The following SLC8A1 variants were observed in gnomAD, a reference collection of about 807,000 sequenced individuals.
SLC8A1 encodes the protein solute carrier family 8 member A1.
Under a neutral mutation model 68.3 loss-of-function variants are expected in SLC8A1, and 18 were observed. The ratio of observed to expected loss-of-function variants is 0.26; its 90% confidence interval spans 0.18 to 0.39. SLC8A1 has a LOEUF of 0.39. Among genes scored for constraint, SLC8A1 ranks in the 10% least tolerant of loss-of-function variants. The pLI, the probability that SLC8A1 is intolerant of heterozygous loss-of-function variation, is 1.00. For synonymous variants in SLC8A1, 475 were observed against 415.5 expected, an observed-to-expected ratio of 1.14 and a Z score of -1.74; for missense variants, 985 against 1,156.7, an observed-to-expected ratio of 0.85 and a Z score of 2.15.
intron 7 of SLC8A1, among the ~76,000 whole-genome samples, chr2:40,117,430 T>C (rs1310282706): frequency 7.5e-6 from 1 of 133,704 alleles, no homozygotes; most frequent in East Asian, 2.1e-4. Flanking sequence ...CCAGGCGTGG[T>C]GGTACACACC....
At chr2:40,178,108 T>A (rs571248512) in intron 2 of SLC8A1, among the ~76,000 whole-genome samples, 29 of 152,344 alleles carry the variant, frequency 1.9e-4, no homozygotes, top group Middle Eastern at 3.4e-3. Context: ...TTGGGGTATT[T>A]TGGCATGGCA....
At chr2:40,160,674 G>T in intron 6 of SLC8A1, 91 bp downstream of exon 9, 1 of 1,076,784 alleles carries the variant, frequency 9.3e-7, no homozygotes, top group Non-Finnish European at 1.4e-6. Flanking sequence ...GAAGCCCTTT[G>T]GTGCTTTGCC....
At chr2:40,465,566 A>G (rs183696939) in intron 1 of SLC8A1, among the ~76,000 whole-genome samples, 5 of 152,272 alleles carry the variant, frequency 3.3e-5, no homozygotes, top group African/African-American at 9.6e-5. Context: ...ATGTGGTTCT[A>G]TCTGAGTGTT....
chr2:40,472,325 T>G (rs1704033948), intron 1 of SLC8A1, among the ~76,000 whole-genome samples: 1 of 152,152 alleles, frequency 6.6e-6, no homozygotes, highest in African/African-American at 2.4e-5. Context: ...AATGAAACAT[T>G]CCATCTTCCT....
intron 1 of SLC8A1, among the ~76,000 whole-genome samples, chr2:40,472,830 A>G (rs988290615): frequency 1.3e-5 from 2 of 152,316 alleles, no homozygotes; most frequent in Non-Finnish European, 2.9e-5. Flanking sequence ...TCATGCAACT[A>G]AGTCTACTAG....
At chr2:40,475,097 T>G (rs1351947923) in intron 1 of SLC8A1, among the ~76,000 whole-genome samples, 1 of 152,286 alleles carries the variant, frequency 6.6e-6, no homozygotes, top group Admixed American at 6.5e-5. Context: ...TTCTCAAAAC[T>G]TGTGAACTTC....
At chr2:40,417,997 A>T (rs1185240996) in intron 2 of SLC8A1, among the ~76,000 whole-genome samples, 2 of 152,164 alleles carry the variant, frequency 1.3e-5, no homozygotes, top group Non-Finnish European at 2.9e-5. Flanking sequence ...ATAAGAATTG[A>T]TCATAGAATT....
intron 2 of SLC8A1, among the ~76,000 whole-genome samples, chr2:40,387,936 C>CAAAAAAAAAA (rs57394425): frequency 1.1e-5 from 1 of 90,942 alleles, no homozygotes; most frequent in Non-Finnish European, 2.1e-5. Flanking sequence ...GAGACTGCCT[C>CAAAAAAAAAA]AAAAAAAAAA....
rs564847424 is a variant in SLC8A1, at chr2:40,352,224, A to G, written c.1808+76249T>C. ...TTTGAGCCAGTGTGTCATGTGAACA[A>G]TTCAATTTAGGAATATACTCATTTA... On this transcript the variant is annotated intron_variant, in intron 2 of 7. Transcript: ENST00000406785. Among the ~76,000 whole-genome samples the G allele has an allele frequency of 1.1e-4, 16 of 152,302 alleles. No homozygotes were observed. The East Asian group carries it at 3.1e-3, about 29-fold the overall frequency.
chr2:40,193,497 G>C (rs2052297823), intron 2 of SLC8A1, among the ~76,000 whole-genome samples: 1 of 152,122 alleles, frequency 6.6e-6, no homozygotes, highest in Non-Finnish European at 1.5e-5. Context: ...GAAATAAACA[G>C]AGACTTGGAA....
exon 8 of SLC8A1, chr2:40,111,573 T>C (rs1373174584): frequency 6.6e-6 from 1 of 152,196 alleles, no homozygotes; most frequent in Non-Finnish European, 1.5e-5. Flanking sequence ...AGTCCACTAA[T>C]ATGTCAACTT....
intron 2 of SLC8A1, among the ~76,000 whole-genome samples, chr2:40,384,732 C>G (rs187065856): frequency 6.6e-6 from 1 of 152,124 alleles, no homozygotes; most frequent in African/African-American, 2.4e-5. Flanking sequence ...CCTTTCGAAA[C>G]CAAAAAATAT....
intron 2 of SLC8A1, among the ~76,000 whole-genome samples, chr2:40,279,318 C>G (rs556380709): frequency 2.6e-4 from 40 of 152,228 alleles, no homozygotes; most frequent in African/African-American, 9.6e-4. Context: ...GGCACTTGGA[C>G]AATTTAGCAA....
At chr2:40,390,686 G>C (rs997270917) in intron 2 of SLC8A1, among the ~76,000 whole-genome samples, 17 of 151,986 alleles carry the variant, frequency 1.1e-4, no homozygotes, top group Non-Finnish European at 2.5e-4. Flanking sequence ...CATACACATA[G>C]TCCACAGAGG....
At chr2:40,214,435 C>T (rs960503699) in intron 2 of SLC8A1, among the ~76,000 whole-genome samples, 2 of 141,398 alleles carry the variant, frequency 1.4e-5, no homozygotes, top group African/African-American at 2.6e-5. Flanking sequence ...TGTACACTAT[C>T]TTTTTTTTTT....
chr2:40,479,103 G>T lies in SLC8A1; in HGVS notation c.-25+33246C>A, dbSNP rs998705945. 2.0e-5 allele frequency among the ~76,000 whole-genome samples: 3 copies of T among 152,226 alleles called. No individual in the cohort carries two copies. The East Asian group carries it at 5.8e-4, about 29-fold the overall frequency. On this transcript the variant is annotated intron_variant, in intron 1 of 7. Coordinates refer to the SLC8A1 transcript ENST00000402441. ...ACCTAATTTTAAACTTCAGGAGAAC[G>T]TATAAATTTCACCAATTCACACCAT...
intron 1 of SLC8A1, among the ~76,000 whole-genome samples, chr2:40,478,240 T>TGAGA (rs1704411063): frequency 6.6e-6 from 1 of 151,350 alleles, no homozygotes; most frequent in African/African-American, 2.4e-5. Context: ...TCACACACAA[T>TGAGA]CAGAGTCCAT....
intron 2 of SLC8A1, among the ~76,000 whole-genome samples, chr2:40,241,449 G>A (rs980071212): frequency 1.3e-5 from 2 of 152,194 alleles, no homozygotes; most frequent in East Asian, 1.9e-4. Context: ...CAATAAACCC[G>A]CACATGTACC....
chr2:40,272,080 G>C (rs2066109332), intron 2 of SLC8A1, among the ~76,000 whole-genome samples: 1 of 151,904 alleles, frequency 6.6e-6, no homozygotes, highest in Admixed American at 6.6e-5. Context: ...TATTGCCCTG[G>C]CTGGCCCGGA....
Sources: allele counts gnomAD v4.1 joint callset (sites outside exome capture counted in the v4.1 genomes callset), GRCh38; gene constraint gnomAD v4.1.1; transcripts MANE v1.5; gene names NCBI Gene and HGNC (gene_info 2026-07-23, HGNC 2026-07-21).